The following MCM8 variants were observed in gnomAD, a reference collection of about 807,000 sequenced individuals.
MCM8 encodes the protein minichromosome maintenance 8 homologous recombination repair factor, also known as DNA helicase MCM8.
A neutral mutation model predicts 98.9 loss-of-function variants in MCM8; 85 were observed. The observed-to-expected ratio is 0.86, with a 90% confidence interval of 0.72 to 1.03. The LOEUF is 1.03. Ranked by LOEUF, MCM8 falls within the 50% of genes least tolerant of loss-of-function variation. The pLI, the probability that MCM8 is intolerant of heterozygous loss-of-function variation, is 0.00. For missense variants in MCM8, 951 were observed against 997.8 expected, an observed-to-expected ratio of 0.95 and a Z score of 0.63; for synonymous variants, 352 against 338.6, an observed-to-expected ratio of 1.04 and a Z score of -0.44.
At chr20:5,973,651 A>C (rs1169581239) in intron 12 of MCM8, among the ~76,000 whole-genome samples, 1 of 152,016 alleles carries the variant, frequency 6.6e-6, no homozygotes, top group Non-Finnish European at 1.5e-5. Context: ...TGTGAGTCCA[A>C]ATCAAGGCAA....
intron 10 of MCM8, among the ~76,000 whole-genome samples, chr20:5,969,554 T>C (rs1283885441): frequency 6.7e-6 from 1 of 148,184 alleles, no homozygotes; most frequent in Non-Finnish European, 1.5e-5. Flanking sequence ...ATCGCGCCAC[T>C]GCACTCCAGC....
At chr20:5,959,687 GTAC>G (rs1323605936) in intron 7 of MCM8, among the ~76,000 whole-genome samples, 7 of 130,670 alleles carry the variant, frequency 5.4e-5, no homozygotes, top group Non-Finnish European at 9.6e-5. Context: ...GTTGTAGGCT[GTAC>G]TTTTTTTTTT....
At chr20:5,966,372 G>T (rs2089274662) in intron 8 of MCM8, among the ~76,000 whole-genome samples, 1 of 151,842 alleles carries the variant, frequency 6.6e-6, no homozygotes, top group Admixed American at 6.6e-5. Context: ...CATTTTCTTT[G>T]TTCTGTTTTC....
chr20:5,986,173 G>A, intron 16 of MCM8, 42 bp downstream of exon 16: 1 of 1,573,688 alleles, frequency 6.4e-7, no homozygotes, highest in Non-Finnish European at 8.7e-7. Flanking sequence ...GGCTTAAAGG[G>A]GAAGGGTGTG....
chr20:5,962,800 C>T (rs1156965632), intron 7 of MCM8, among the ~76,000 whole-genome samples: 3 of 152,136 alleles, frequency 2.0e-5, no homozygotes, highest in African/African-American at 7.2e-5. Flanking sequence ...ATCCAAACAC[C>T]AAACAAGTGC....
At chr20:5,986,549 T>C (rs1236514758) in intron 16 of MCM8, among the ~76,000 whole-genome samples, 1 of 152,198 alleles carries the variant, frequency 6.6e-6, no homozygotes, top group African/African-American at 2.4e-5. Context: ...CAGTAATATC[T>C]ATTCACAGTT....
intron 17 of MCM8, chr20:5,990,891 C>T (rs2089837554): frequency 6.6e-6 from 1 of 152,210 alleles, no homozygotes. Flanking sequence ...CTTGAACACT[C>T]CACCTTTGGG....
rs140773345 is a variant in MCM8, at chr20:5,986,027, C to A, written c.2059C>A (p.Arg687=). ...CCCAAGGCTATCCACAGAAGCTGCT[C>A]GAGTTCTTCAAGATTTTTACCTTGA... ...VYPRLSTEAA[R]VLQDFYLELR... The change falls in exon 16 of 19, where the codon CGA becomes AGA. Residue 687 remains arginine, a synonymous_variant. Transcript: ENST00000610722. 7 of 1,614,020 alleles carry A rather than the reference C, an allele frequency of 4.3e-6. No individual in the cohort carries two copies. The African/African-American group carries it at 9.3e-5, about 22-fold the overall frequency.
chr20:5,973,057 T>C lies in MCM8; in HGVS notation c.1256T>C (p.Leu419Pro). 1 of 1,613,784 alleles carries C rather than the reference T, an allele frequency of 6.2e-7. No homozygotes were observed. The highest frequency in any genetic ancestry group is 8.5e-7 in the Non-Finnish European group (1 of 1,179,646). Residue 419 changes from leucine to proline, a missense_variant and splice_region_variant, in exon 12 of 19, where the codon CTT (leucine) becomes CCT (proline). Transcript: ENST00000610722. Reference protein sequence around the residue: ...SLCPVIFGHELVKAGLALALF... With the variant: ...SLCPVIFGHEPVKAGLALALF... ...TTTTGTTCTTTTTTCGCACTTGAGC[T>C]TGTTAAAGCAGGTTTGGCATTAGCA...
intron 10 of MCM8, 139 bp downstream of exon 10, chr20:5,968,164 A>T: frequency 1.7e-6 from 1 of 580,486 alleles, no homozygotes; most frequent in South Asian, 3.0e-5. Context: ...CCCCTTGAGT[A>T]TGGCCTATGA....
rs201115244 is a variant in MCM8, at chr20:5,967,485, C to T, written c.925C>T (p.Arg309Ter). The change falls in exon 9 of 19, where the codon CGA becomes TGA. Residue 309 changes from arginine (R) to a stop codon, truncating the protein, a stop_gained. Transcript: ENST00000610722. LOFTEE classifies it high-confidence loss of function. The part of the protein sequence containing the change: ...DDQREAGRIP[R>*]TIECELVHDL... ...TCAGAGAGAAGCAGGTCGGATTCCACGAACAATAGAATGTGAGCTTGTTCA... is the reference window on the plus strand; with the variant it reads ...TCAGAGAGAAGCAGGTCGGATTCCATGAACAATAGAATGTGAGCTTGTTCA... 7 of 1,613,770 alleles carry T rather than the reference C, an allele frequency of 4.3e-6. No individual in the cohort carries two copies. Among genetic ancestry groups the T allele is most frequent in the Non-Finnish European group, 5.9e-6 (7 of 1,179,834 alleles).
At position 5,995,472 on chromosome 20, in the gene MCM8, C is replaced by G. The variant is rs980942467; in HGVS notation, c.*1081C>G. 6.6e-6 allele frequency: 1 copy of G among 152,246 alleles called. No homozygotes were observed. The highest frequency in any genetic ancestry group is 6.5e-5 in the Admixed American group (1 of 15,274). 9.4% of individuals were successfully genotyped at this position (152,246 alleles called of 1,614,324 possible). ...AGAAAGTGCTGCTGCCTCCCTGCCC[C>G]ACCTTTGCCACTTCTGCAGCAGGAA... On this transcript the variant is annotated 3_prime_UTR_variant, in exon 19 of 19. Coordinates refer to ENST00000610722, the MANE Select transcript of MCM8 (RefSeq NM_032485.6).
intron 16 of MCM8, 108 bp from the exon 17 acceptor site, chr20:5,987,174 G>T (rs778178907): frequency 1.3e-5 from 14 of 1,051,818 alleles, no homozygotes; most frequent in Non-Finnish European, 1.8e-5. Flanking sequence ...AACCTTCCTC[G>T]CCTAAAGGTC....
chr20:5,962,423 G>A (rs2089171499), intron 7 of MCM8, among the ~76,000 whole-genome samples: 1 of 59,516 alleles, frequency 1.7e-5, no homozygotes, highest in Non-Finnish European at 2.4e-5. Context: ...GCCGGACTGC[G>A]GACTGCAGTG....
chr20:5,994,894 T>C lies in MCM8; in HGVS notation c.*503T>C. The C allele has an allele frequency of 5.4e-6, 1 of 185,528 alleles. No homozygotes were observed. Among genetic ancestry groups the C allele is most frequent in the Admixed American group, 5.8e-5 (1 of 17,284 alleles). 11.5% of individuals were successfully genotyped at this position (185,528 alleles called of 1,614,324 possible). ...AATCACTGCACTCCAGCCTGGGCAA[T>C]AAAGTAACTCTTGACTCAAAAAAAT... On this transcript the variant is annotated 3_prime_UTR_variant, in exon 19 of 19. Coordinates refer to ENST00000610722, the MANE Select transcript of MCM8 (RefSeq NM_032485.6).
chr20:5,966,230 G>C (rs190732607), intron 8 of MCM8, among the ~76,000 whole-genome samples: 41 of 152,132 alleles, frequency 2.7e-4, no homozygotes, highest in South Asian at 6.2e-4. Flanking sequence ...CAGTGAAAGT[G>C]TATCTAGTTG....
Position 5,986,032 on chromosome 20 carries a change from T to G in MCM8, c.2064T>G (p.Val688=). The G allele has an allele frequency of 6.2e-7, 1 of 1,614,222 alleles. No individual in the cohort carries two copies. The highest frequency in any genetic ancestry group is 8.5e-7 in the Non-Finnish European group (1 of 1,180,036). Reference sequence around the variant, plus strand: ...GGCTATCCACAGAAGCTGCTCGAGTTCTTCAAGATTTTTACCTTGAGCTCC... The same window carrying G: ...GGCTATCCACAGAAGCTGCTCGAGTGCTTCAAGATTTTTACCTTGAGCTCC... ...YPRLSTEAAR[V]LQDFYLELRK... The change falls in exon 16 of 19, where the codon GTT becomes GTG. Residue 688 remains valine (V), a synonymous_variant. Transcript: ENST00000610722.
At chr20:5,954,251 T>A (rs1403491761) in intron 3 of MCM8, among the ~76,000 whole-genome samples, 13 of 152,180 alleles carry the variant, frequency 8.5e-5, no homozygotes. Flanking sequence ...TCTGTCAGAG[T>A]AAGAGCTTAG....
At chr20:5,993,869 C>A in intron 18 of MCM8, 174 bp downstream of exon 18, 1 of 515,816 alleles carries the variant, frequency 1.9e-6, no homozygotes, top group Non-Finnish European at 3.4e-6. Context: ...CTATGTTTTT[C>A]TGACTGTCTC....
Sources: gnomAD v4.1 joint callset for allele counts (sites outside exome capture counted in the v4.1 genomes callset) on GRCh38, gnomAD v4.1.1 for gene constraint, MANE v1.5 for transcripts, NCBI Gene and HGNC (gene_info 2026-07-23, HGNC 2026-07-21) for gene names.